The following CACNA2D1 variants were observed in gnomAD, a reference collection of about 807,000 sequenced individuals.
The protein encoded by CACNA2D1 is voltage-dependent calcium channel subunit alpha-2/delta-1.
Under a neutral mutation model 171.5 loss-of-function variants are expected in CACNA2D1, and 53 were observed. The ratio of observed to expected loss-of-function variants is 0.31; its 90% CI spans 0.25 to 0.39. The LOEUF is 0.39. CACNA2D1 is among the 10% of genes least tolerant of loss of function. The pLI is 1.00. For synonymous variants in CACNA2D1, 442 were observed against 443.1 expected (o/e 1.00, Z 0.03); for missense variants, 903 against 1,299.8 (o/e 0.69, Z 4.69).
At chr7:82,339,870 G>GA (rs1818413782) in intron 2 of CACNA2D1, among the ~76,000 whole-genome samples, 1 of 152,118 alleles carries the variant, frequency 6.6e-6, no homozygotes, top group Non-Finnish European at 1.5e-5. Flanking sequence ...TTTGCAGATG[G>GA]AATTAAATTT....
At chr7:82,118,258 A>T (rs562192964) in intron 5 of CACNA2D1, among the ~76,000 whole-genome samples, 1 of 152,270 alleles carries the variant, frequency 6.6e-6, no homozygotes, top group Admixed American at 6.5e-5. Context: ...TAACAAACTA[A>T]GAATTTCATT....
At chr7:82,431,766 G>A (rs553759026) in intron 1 of CACNA2D1, among the ~76,000 whole-genome samples, 22 of 145,494 alleles carry the variant, frequency 1.5e-4, no homozygotes, top group African/African-American at 5.6e-4. Flanking sequence ...GAGGCCAGGC[G>A]CAGTGGCTCA....
chr7:81,976,238 T>A (rs1795822937), intron 24 of CACNA2D1, among the ~76,000 whole-genome samples: 1 of 152,178 alleles, frequency 6.6e-6, no homozygotes, highest in South Asian at 2.1e-4. Context: ...TGGGCTCTTT[T>A]TTGGTTCCAT....
chr7:82,227,708 C>A (rs1019593758), intron 3 of CACNA2D1, among the ~76,000 whole-genome samples: 1 of 152,094 alleles, frequency 6.6e-6, no homozygotes, highest in East Asian at 1.9e-4. Context: ...TTGTTTGAAA[C>A]CTTAAAGCCA....
At chr7:82,102,372 G>T (rs1017646209) in intron 6 of CACNA2D1, among the ~76,000 whole-genome samples, 2 of 151,726 alleles carry the variant, frequency 1.3e-5, no homozygotes, top group Non-Finnish European at 1.5e-5. Flanking sequence ...ATAAATAGAA[G>T]GATGACACAA....
intron 3 of CACNA2D1, among the ~76,000 whole-genome samples, chr7:82,273,589 G>A (rs1808920999): frequency 2.0e-5 from 3 of 152,074 alleles, no homozygotes; most frequent in South Asian, 2.1e-4. Flanking sequence ...CTGGCCTCAA[G>A]TGATCCTCCT....
chr7:82,156,807 T>C (rs2129123679), intron 4 of CACNA2D1, among the ~76,000 whole-genome samples: 1 of 152,200 alleles, frequency 6.6e-6, no homozygotes, highest in South Asian at 2.1e-4. Context: ...AAGGCCCCTG[T>C]TTATAAATGC....
chr7:82,294,771 T>C (rs1379882925), intron 3 of CACNA2D1, among the ~76,000 whole-genome samples: 1 of 152,182 alleles, frequency 6.6e-6, no homozygotes, highest in Non-Finnish European at 1.5e-5. Flanking sequence ...AATCTTATCA[T>C]TCTGAAACTT....
chr7:81,983,291 T>C (rs1246081940), intron 23 of CACNA2D1, 23 bp downstream of exon 23: 1 of 1,596,692 alleles, frequency 6.3e-7, no homozygotes, highest in Admixed American at 1.7e-5. Flanking sequence ...CAGAAAGAAG[T>C]TGAGCAACAA....
intron 3 of CACNA2D1, among the ~76,000 whole-genome samples, chr7:82,245,644 T>TCC (rs1260307754): frequency 1.3e-4 from 18 of 143,224 alleles, no homozygotes; most frequent in African/African-American, 4.6e-4. Flanking sequence ...ACAAAATGTC[T>TCC]CTCTCTCTCT....
chr7:82,185,868 T>G (rs1381657488), intron 3 of CACNA2D1, among the ~76,000 whole-genome samples: 1 of 151,816 alleles, frequency 6.6e-6, no homozygotes, highest in Non-Finnish European at 1.5e-5. Context: ...TTTAAAGAAA[T>G]GGGCCACACC....
chr7:82,185,513 A>G lies in CACNA2D1; in HGVS notation c.295-14904T>C, dbSNP rs1259983131. On this transcript the variant is annotated intron_variant, in intron 3 of 38. Transcript: ENST00000356860. ...GGAGGGGGAGGGGAGGGGGAGGGGG[A>G]GGAGGGGGAGGAGGAGGAGGGGGAG... is the stretch of plus-strand genomic sequence containing the variant. Among the ~76,000 whole-genome samples, 112 of 15,964 alleles carry G rather than the reference A, an allele frequency of 7.0e-3. 1 individual carries two copies. Among genetic ancestry groups the G allele is most frequent in the African/African-American group, 0.025 (100 of 4,042 alleles). 10.5% of individuals were successfully genotyped at this position (15,964 alleles called of 152,430 possible).
chr7:82,054,181 AT>A (rs1437458832), intron 10 of CACNA2D1, among the ~76,000 whole-genome samples: 1 of 152,218 alleles, frequency 6.6e-6, no homozygotes, highest in African/African-American at 2.4e-5. Context: ...ACAGTATAAA[AT>A]TCATTCAAAG....
intron 21 of CACNA2D1, among the ~76,000 whole-genome samples, chr7:81,990,442 G>A (rs1443811530): frequency 1.3e-5 from 2 of 152,042 alleles, no homozygotes; most frequent in African/African-American, 2.4e-5. Flanking sequence ...AATGAGCCAG[G>A]AGTTGAAATC....
rs185606543 is a variant in CACNA2D1 at position 82,431,551 on chromosome 7, C to T, written c.95+11814G>A. On this transcript the variant is annotated intron_variant, in intron 1 of 38. Transcript: ENST00000356860. ...CCAGGCGAGATAATAGATGCTAAGA[C>T]CTCAAAGCTTCTGCAAAGGGCAGCA... is the stretch of plus-strand genomic sequence containing the variant. Among the ~76,000 whole-genome samples the T allele has an allele frequency of 3.4e-4, 52 of 152,190 alleles. 1 individual carries two copies. In the Middle Eastern group the frequency reaches 0.014, roughly 40 times the overall value.
chr7:82,082,657 C>A (rs35900478), intron 7 of CACNA2D1, among the ~76,000 whole-genome samples: 47,576 of 150,320 alleles, frequency 0.32, 9,275 homozygotes, highest in Non-Finnish European at 0.43. Flanking sequence ...GGACTTATAG[C>A]TAGGCTTTAA....
chr7:81,959,737 A>T lies in CACNA2D1; in HGVS notation c.3059T>A (p.Ile1020Lys). ...AAGGATACAAGTCTGCTCCGCTTGT[A>T]TGAGCAGTCGTGTGTCACATGGACA... ...GTCPCDTRLL[I>K]QAEQTSDGPN... is the part of the protein sequence containing the mutation. Residue 1020 changes from isoleucine to lysine, a missense_variant, in exon 37 of 39, where the codon ATA becomes AAA. Physicochemically the swap from Ile to Lys is moderately radical, Grantham distance 102 (BLOSUM62 -3). Transcript: ENST00000356860. 1 of 1,612,650 alleles carries T rather than the reference A, an allele frequency of 6.2e-7. No individual in the cohort carries two copies. The highest frequency in any genetic ancestry group is 8.5e-7 in the Non-Finnish European group (1 of 1,179,156).
At chr7:82,046,915 G>A (rs1804622205) in intron 10 of CACNA2D1, among the ~76,000 whole-genome samples, 1 of 152,048 alleles carries the variant, frequency 6.6e-6, no homozygotes, top group Non-Finnish European at 1.5e-5. Flanking sequence ...TTCTGAATAA[G>A]TCCCAATTAC....
intron 3 of CACNA2D1, among the ~76,000 whole-genome samples, chr7:82,270,776 CTT>C (rs1808521747): frequency 6.6e-6 from 1 of 152,096 alleles, no homozygotes. Flanking sequence ...TACACAGACT[CTT>C]TCAAAGTCGT....
Sources: allele counts gnomAD v4.1 joint callset (sites outside exome capture counted in the v4.1 genomes callset), GRCh38; gene constraint gnomAD v4.1.1; transcripts MANE v1.5; gene names NCBI Gene and HGNC (gene_info 2026-07-23, HGNC 2026-07-21).